The following RPS6KC1 variants were observed in gnomAD, a reference collection of about 807,000 sequenced individuals.
The protein encoded by RPS6KC1 is ribosomal protein S6 kinase C1, also known as inactive ribosomal protein S6 kinase delta-1.
RPS6KC1 carries 54 observed loss-of-function variants against 103.8 expected under a neutral mutation model. The ratio of observed to expected loss-of-function variants is 0.52; its 90% CI spans 0.42 to 0.65. The LOEUF is 0.65. Ranked by LOEUF, RPS6KC1 falls within the 30% of genes least tolerant of loss-of-function variation. RPS6KC1 has a pLI of 0.00. For synonymous variants in RPS6KC1, 439 were observed against 438.7 expected (o/e 1.00, Z -0.01); for missense variants, 1,151 against 1,253.8 (o/e 0.92, Z 1.24).
the RPS6KC1 span, among the ~76,000 whole-genome samples, chr1:213,753,625 C>T: frequency 6.6e-6 from 1 of 152,150 alleles, no homozygotes; most frequent in African/African-American, 2.4e-5. Context: ...CTTATGCAAA[C>T]CTTTCCAGGA....
Position 213,128,830 on chromosome 1 carries a change from C to G in RPS6KC1, c.473-697C>G, listed in dbSNP as rs139797009. 8.1e-3 allele frequency among the ~76,000 whole-genome samples: 1,238 copies of G among 152,336 alleles called. 7 individuals carry two copies. The highest frequency in any genetic ancestry group is 0.013 in the Non-Finnish European group (892 of 68,028). ...TGAAAATCTGAAATCTGAAACACTTCTGTCCCGAGCATTTCAGATGAAGGA... is the reference window on the plus strand; with the variant it reads ...TGAAAATCTGAAATCTGAAACACTTGTGTCCCGAGCATTTCAGATGAAGGA... On this transcript the variant is annotated intron_variant, in intron 5 of 14. Coordinates refer to ENST00000366960, the MANE Select transcript of RPS6KC1 (RefSeq NM_012424.6).
the RPS6KC1 span, among the ~76,000 whole-genome samples, chr1:213,407,478 G>T: frequency 6.6e-6 from 1 of 152,322 alleles, no homozygotes; most frequent in Non-Finnish European, 1.5e-5. Context: ...TTTGGAAGGG[G>T]CTTAGCACTA....
At chr1:213,260,056 G>T (rs1233677321) in intron 12 of RPS6KC1, among the ~76,000 whole-genome samples, 1 of 152,114 alleles carries the variant, frequency 6.6e-6, no homozygotes, top group Non-Finnish European at 1.5e-5. Flanking sequence ...AAATGGTTAT[G>T]TAGTAGTAAT....
the RPS6KC1 span, among the ~76,000 whole-genome samples, chr1:213,598,066 T>C: frequency 6.6e-6 from 1 of 152,150 alleles, no homozygotes; most frequent in Non-Finnish European, 1.5e-5. Context: ...TTGCAAGTAA[T>C]GTAAATACAT....
the RPS6KC1 span, among the ~76,000 whole-genome samples, chr1:213,803,936 G>A: frequency 2.6e-5 from 3 of 114,038 alleles, 1 homozygote; most frequent in South Asian, 9.5e-4. Context: ...CCTTTCTCGG[G>A]AAGATCACAC....
the RPS6KC1 span, among the ~76,000 whole-genome samples, chr1:213,296,379 C>T: frequency 2.0e-5 from 3 of 152,146 alleles, no homozygotes; most frequent in Non-Finnish European, 4.4e-5. Context: ...TTAGGTGGTA[C>T]TTCAATGCAA....
At chr1:213,752,680 CT>C in the RPS6KC1 span, among the ~76,000 whole-genome samples, 1 of 152,230 alleles carries the variant, frequency 6.6e-6, no homozygotes, top group Non-Finnish European at 1.5e-5. Context: ...AAAGATTAAG[CT>C]TTAATTTGAA....
chr1:213,112,185 G>C (rs1465311413), intron 4 of RPS6KC1, among the ~76,000 whole-genome samples: 1 of 152,108 alleles, frequency 6.6e-6, no homozygotes, highest in African/African-American at 2.4e-5. Flanking sequence ...TCTGTTAGTA[G>C]TGTTTGGAGG....
At chr1:213,376,266 C>G in the RPS6KC1 span, among the ~76,000 whole-genome samples, 2 of 152,094 alleles carry the variant, frequency 1.3e-5, no homozygotes, top group Non-Finnish European at 2.9e-5. Context: ...TTGTTTTTAA[C>G]TAAATGTTAT....
chr1:213,599,115 G>A, the RPS6KC1 span, among the ~76,000 whole-genome samples: 16 of 152,172 alleles, frequency 1.1e-4, no homozygotes, highest in African/African-American at 3.9e-4. Context: ...TTTTCCCTGT[G>A]TGGTATTTAT....
chr1:213,404,228 G>A, the RPS6KC1 span, among the ~76,000 whole-genome samples: 3 of 152,136 alleles, frequency 2.0e-5, no homozygotes, highest in East Asian at 5.8e-4. Flanking sequence ...CTTCGGCGGG[G>A]GTTTACACTG....
chr1:213,213,715 G>C (rs920042964), intron 8 of RPS6KC1, among the ~76,000 whole-genome samples: 1 of 152,062 alleles, frequency 6.6e-6, no homozygotes, highest in African/African-American at 2.4e-5. Context: ...TTTGAATTTT[G>C]AGTAAATTTT....
At chr1:213,838,774 T>A in the RPS6KC1 span, among the ~76,000 whole-genome samples, 3 of 152,204 alleles carry the variant, frequency 2.0e-5, no homozygotes, top group Admixed American at 6.5e-5. Context: ...CTCCCTCTAC[T>A]GGCACCAGAT....
the RPS6KC1 span, among the ~76,000 whole-genome samples, chr1:213,621,055 T>C: frequency 6.6e-6 from 1 of 152,188 alleles, no homozygotes; most frequent in Non-Finnish European, 1.5e-5. Context: ...TAAGTAACCC[T>C]AGCCCAGGTG....
chr1:213,728,937 G>GTTTTTTTTTTTTTTTTTTTTTTTT, the RPS6KC1 span, among the ~76,000 whole-genome samples: 26 of 93,428 alleles, frequency 2.8e-4, 4 homozygotes, highest in South Asian at 7.7e-4. Flanking sequence ...GAACATGAGG[G>GTTTTTTTTTTTTTTTTTTTTTTTT]TTTTTTTTTT....
intron 8 of RPS6KC1, among the ~76,000 whole-genome samples, chr1:213,189,803 C>T (rs781502182): frequency 2.6e-5 from 4 of 152,156 alleles, no homozygotes; most frequent in South Asian, 2.1e-4. Flanking sequence ...GAACCCTACA[C>T]GATCCTTTCC....
chr1:213,585,800 C>T, the RPS6KC1 span, among the ~76,000 whole-genome samples: 7 of 152,222 alleles, frequency 4.6e-5, no homozygotes, highest in South Asian at 4.2e-4. Context: ...ACACATGGCA[C>T]GGCTTAACAC....
chr1:213,503,458 A>G, the RPS6KC1 span, among the ~76,000 whole-genome samples: 1 of 152,186 alleles, frequency 6.6e-6, no homozygotes, highest in Non-Finnish European at 1.5e-5. Flanking sequence ...CCCCTTCAGC[A>G]GGGGCTCTGG....
the RPS6KC1 span, among the ~76,000 whole-genome samples, chr1:213,537,831 T>C: frequency 3.9e-5 from 6 of 152,328 alleles, no homozygotes; most frequent in South Asian, 1.0e-3. Context: ...GTTTAGATTA[T>C]TGATGACCTG....
Sources: allele counts gnomAD v4.1 joint callset (sites outside exome capture counted in the v4.1 genomes callset), GRCh38; gene constraint gnomAD v4.1.1; transcripts MANE v1.5; gene names NCBI Gene and HGNC (gene_info 2026-07-23, HGNC 2026-07-21).